Variants in ZKSCAN4 observed in about 807,000 individuals in gnomAD.
ZKSCAN4 encodes zinc finger with KRAB and SCAN domains 4.
ZKSCAN4 carries 23 observed loss-of-function variants against 30.8 expected under a neutral mutation model. That is an observed-to-expected ratio of 0.75 (90% CI 0.54 to 1.06). ZKSCAN4 has a LOEUF of 1.06. Ranked by LOEUF, ZKSCAN4 falls within the 50% of genes least tolerant of loss-of-function variation. The pLI, the probability that ZKSCAN4 is intolerant of heterozygous loss-of-function variation, is 0.00. For missense variants in ZKSCAN4, 556 were observed against 665.4 expected, an observed-to-expected ratio of 0.84 and a Z score of 1.81; for synonymous variants, 208 against 252.5, an observed-to-expected ratio of 0.82 and a Z score of 1.67.
chr6:28,251,872 C>T lies in ZKSCAN4; in HGVS notation c.109G>A (p.Ala37Thr). ...GGGCTGCAGGGTGCTCTCACCTCCGCCGTCAAGGCGGAGGCTTCCTCCTTC... is the reference window on the plus strand; with the variant it reads ...GGGCTGCAGGGTGCTCTCACCTCCGTCGTCAAGGCGGAGGCTTCCTCCTTC... ...VEKEEASALT[A>T]EVRAPCSPAR... Residue 37 changes from alanine (A) to threonine (T), a missense_variant, in exon 1 of 5, where the codon GCG (alanine) becomes ACG (threonine). Physicochemically the swap from Ala to Thr is moderately conservative, Grantham distance 58. Coordinates refer to ENST00000377294, the MANE Select transcript of ZKSCAN4 (RefSeq NM_019110.5). This position sits in a 1 kb window ranked among gnomAD's most constrained non-coding sequence, Gnocchi z 4.5. 3 of 1,560,490 alleles carry T rather than the reference C, an allele frequency of 1.9e-6. No homozygotes were observed. Among genetic ancestry groups the T allele is most frequent in the Non-Finnish European group, 2.6e-6 (3 of 1,158,076 alleles).
intron 4 of ZKSCAN4, among the ~76,000 whole-genome samples, 199 bp downstream of exon 4, chr6:28,246,770 T>C (rs1287143060): frequency 6.6e-6 from 1 of 152,054 alleles, no homozygotes. Flanking sequence ...ACCCCACTTA[T>C]CCTAACTAGA....
At position 28,245,968 on chromosome 6, in the gene ZKSCAN4, T is replaced by G. The variant is rs1276955331; in HGVS notation, c.786A>C (p.Glu262Asp). The G allele has an allele frequency of 3.1e-6, 5 of 1,614,170 alleles. No individual in the cohort carries two copies. Among genetic ancestry groups the G allele is most frequent in the Non-Finnish European group, 4.2e-6 (5 of 1,180,024 alleles). ...GCAAGTCCCTGCTCTTAGTCTGTAT[T>G]TCACCACCTGAAACAACAAATGGCC... ...NHSSLVSLGG[E>D]IQTKSRDLPP... Residue 262 changes from glutamate to aspartate, a missense_variant, in exon 5 of 5, where the codon GAA (glutamate) becomes GAC (aspartate). By Grantham distance (45) the Glu-to-Asp change is conservative (BLOSUM62 2). This residue lies in a region of ZKSCAN4 where 433 missense variants were observed against 511.5 expected (regional missense o/e 0.85). Transcript: ENST00000377294.
Position 28,251,390 on chromosome 6 carries a change from A to G in ZKSCAN4, c.423+168T>C, listed in dbSNP as rs549165927. On this transcript the variant is annotated intron_variant, in intron 1 of 4. Coordinates refer to ENST00000377294, the MANE Select transcript of ZKSCAN4 (RefSeq NM_019110.5). This position sits in a 1 kb window ranked among gnomAD's most constrained non-coding sequence, Gnocchi z 4.5. ...TTATAGTTTCTTTATATATTTAAAAATATAATTCTGAGAAGGAGTCCAGGG... is the reference window on the plus strand; with the variant it reads ...TTATAGTTTCTTTATATATTTAAAAGTATAATTCTGAGAAGGAGTCCAGGG... The G allele has an allele frequency of 7.8e-6, 8 of 1,020,374 alleles. No individual in the cohort carries two copies. The East Asian group carries it at 1.8e-4, about 23-fold the overall frequency. The allele number at this position is 1,020,374 out of a possible 1,614,324, so 63.2% of individuals were successfully genotyped here. A position where few individuals can be genotyped will look rare whatever the true frequency, so the allele number is the denominator to read the frequency against.
Position 28,251,376 on chromosome 6 carries a change from T to C in ZKSCAN4, c.423+182A>G. On this transcript the variant is annotated intron_variant, in intron 1 of 4. Transcript: ENST00000377294. The surrounding 1 kb of genome is among the most constrained non-coding windows in gnomAD (Gnocchi z 4.5). ...TCTTTTGTAATCCTTTATAGTTTCT[T>C]TATATATTTAAAAATATAATTCTGA... The C allele has an allele frequency of 1.1e-6, 1 of 895,988 alleles. No homozygotes were observed. The highest frequency in any genetic ancestry group is 1.7e-6 in the Non-Finnish European group (1 of 576,916). 55.5% of individuals were successfully genotyped at this position (895,988 alleles called of 1,614,324 possible).
upstream of ZKSCAN4, among the ~76,000 whole-genome samples, chr6:28,256,714 G>T (rs879345542): frequency 7.2e-5 from 11 of 152,138 alleles, no homozygotes; most frequent in Non-Finnish European, 1.6e-4. Context: ...CATTAAAAAG[G>T]TATGGTAGGC....
the ZKSCAN4 span, among the ~76,000 whole-genome samples, chr6:28,257,424 T>C: frequency 6.6e-6 from 1 of 152,062 alleles, no homozygotes; most frequent in Non-Finnish European, 1.5e-5. Flanking sequence ...GCAGGACAAA[T>C]AGCTAATGCA....
rs770870758 is a variant in ZKSCAN4 at position 28,249,828 on chromosome 6, C to A, written c.430G>T (p.Val144Phe). The change falls in exon 2 of 5, where the codon GTT (valine) becomes TTT (phenylalanine). Residue 144 changes from valine (V) to phenylalanine (F), a missense_variant. Physicochemically the swap from Val to Phe is conservative, Grantham distance 50. Coordinates refer to ENST00000377294, the MANE Select transcript of ZKSCAN4 (RefSeq NM_019110.5). This position sits in a 1 kb window ranked among gnomAD's most constrained non-coding sequence, Gnocchi z 4.1. ...AGCAGTTCTTGCCCCTGGTCACCAA[C>A]GGGAACCTAGAAGTCACGATTTTTA... is the stretch of plus-strand genomic sequence containing the variant. ...QLDEPAPQVPVGDQGQELLCC... is the reference protein window; with the variant it reads ...QLDEPAPQVPFGDQGQELLCC... 1.2e-6 allele frequency: 2 copies of A among 1,613,662 alleles called. No homozygotes were observed. Among genetic ancestry groups the A allele is most frequent in the Non-Finnish European group, 1.7e-6 (2 of 1,179,912 alleles).
Position 28,245,446 on chromosome 6 carries a change from C to T in ZKSCAN4, c.1308G>A (p.Met436Ile), listed in dbSNP as rs745789855. 9.2e-5 allele frequency: 149 copies of T among 1,614,134 alleles called. No individual in the cohort carries two copies. Among genetic ancestry groups the T allele is most frequent in the Middle Eastern group, 4.9e-4 (3 of 6,084 alleles). The change falls in exon 5 of 5, where the codon ATG (methionine) becomes ATA (isoleucine). Residue 436 changes from methionine to isoleucine, a missense_variant. Met to Ile is a conservative substitution (Grantham distance 10). Coordinates refer to ENST00000377294, the MANE Select transcript of ZKSCAN4 (RefSeq NM_019110.5). The part of the protein sequence containing the change: ...HTGEKPYQCN[M>I]CGKAFRRNSH... ...AATTCCGCCTAAAGGCTTTGCCACA[C>T]ATATTGCACTGGTATGGCTTCTCCC...
chr6:28,246,595 A>C lies in ZKSCAN4; in HGVS notation c.778+374T>G, dbSNP rs551344615. On this transcript the variant is annotated intron_variant, in intron 4 of 4. Coordinates refer to ENST00000377294, the MANE Select transcript of ZKSCAN4 (RefSeq NM_019110.5). ...AGGTCAGGGTCTGTAGTTGATGTCTAAGGTTGCTTCTGGCTCTCACGTTCT... is the reference window on the plus strand; with the variant it reads ...AGGTCAGGGTCTGTAGTTGATGTCTCAGGTTGCTTCTGGCTCTCACGTTCT... 2.0e-5 allele frequency among the ~76,000 whole-genome samples: 3 copies of C among 152,200 alleles called. No individual in the cohort carries two copies. In the South Asian group the frequency reaches 6.2e-4, roughly 32 times the overall value.
chr6:28,246,832 A>T, intron 4 of ZKSCAN4, 137 bp downstream of exon 4: 1 of 1,016,958 alleles, frequency 9.8e-7, no homozygotes, highest in East Asian at 2.6e-5. Flanking sequence ...AGGAGCTAGT[A>T]GTCAGTAACA....
rs1760588003 is a variant in ZKSCAN4, at chr6:28,243,679, T to TA, written c.*1436_*1437insT. ...ATTTTCTTTTCTTTTTTTTTTTTCT[T>TA]TTTGAGACAGAGTCTCACTCTGAAA... On this transcript the variant is annotated 3_prime_UTR_variant, in exon 5 of 5. Transcript: ENST00000377294. Among the ~76,000 whole-genome samples, 2 of 150,960 alleles carry TA rather than the reference T, an allele frequency of 1.3e-5. No individual in the cohort carries two copies. The highest frequency in any genetic ancestry group is 6.6e-5 in the Admixed American group (1 of 15,188).
Position 28,245,602 on chromosome 6 carries a change from G to A in ZKSCAN4, c.1152C>T (p.Val384=), listed in dbSNP as rs774680877. 11 of 1,614,108 alleles carry A rather than the reference G, an allele frequency of 6.8e-6. No individual in the cohort carries two copies. In the South Asian group the frequency reaches 1.2e-4, roughly 18 times the overall value. The change falls in exon 5 of 5, where the codon GTC becomes GTT. Residue 384 remains valine (V), a synonymous_variant. Transcript: ENST00000377294. ...KPYECEECGK[V]FSHSSNLIKH... is the part of the protein sequence containing the mutation. ...TGATAAGGTTTGAGCTGTGACTGAA[G>A]ACCTTACCACATTCTTCACACTCAT... is the stretch of plus-strand genomic sequence containing the variant.
In ZKSCAN4 at chr6:28,242,553, A is replaced by G. The variant is rs964175394; in HGVS notation, c.*2563T>C. On this transcript the variant is annotated 3_prime_UTR_variant, in exon 5 of 5. Transcript: ENST00000377294. ...TTTGCTTTATTTACTCAATTGGACA[A>G]AGTTGTTGTGAGTCCATTCAGCTTT... Among the ~76,000 whole-genome samples, 1 of 152,194 alleles carries G rather than the reference A, an allele frequency of 6.6e-6. No individual in the cohort carries two copies. Among genetic ancestry groups the G allele is most frequent in the Admixed American group, 6.5e-5 (1 of 15,284 alleles).
intron 1 of ZKSCAN4, among the ~76,000 whole-genome samples, chr6:28,250,380 G>C (rs1444462810): frequency 6.6e-6 from 1 of 152,136 alleles, no homozygotes. Context: ...AGGGTGGACA[G>C]TGTTTAAGCA....
At chr6:28,259,211 G>A in the ZKSCAN4 span, 1 of 613,152 alleles carries the variant, frequency 1.6e-6, no homozygotes, top group Non-Finnish European at 2.8e-6. Flanking sequence ...ACGCAGCCAA[G>A]GCCCGCCCCA....
chr6:28,251,475 T>G lies in ZKSCAN4; in HGVS notation c.423+83A>C. The G allele has an allele frequency of 6.2e-7, 1 of 1,608,962 alleles. No homozygotes were observed. The highest frequency in any genetic ancestry group is 8.5e-7 in the Non-Finnish European group (1 of 1,177,282). On this transcript the variant is annotated intron_variant, in intron 1 of 4. Coordinates refer to ENST00000377294, the MANE Select transcript of ZKSCAN4 (RefSeq NM_019110.5). The surrounding 1 kb of genome is among the most constrained non-coding windows in gnomAD (Gnocchi z 4.5). Reference sequence around the variant, plus strand: ...AAAAGAGATGAAGAACTCCTGGACCTTAAAGGAATGCCCCTCGCTCCGATC... The same window carrying G: ...AAAAGAGATGAAGAACTCCTGGACCGTAAAGGAATGCCCCTCGCTCCGATC...
rs1227631081 is a variant in ZKSCAN4 at position 28,244,037 on chromosome 6, CCTGTCCCCAA to C, written c.*1069_*1078del. Among the ~76,000 whole-genome samples, 1 of 152,106 alleles carries C rather than the reference CCTGTCCCCAA, an allele frequency of 6.6e-6. No homozygotes were observed. Among genetic ancestry groups the C allele is most frequent in the African/African-American group, 2.4e-5 (1 of 41,412 alleles). Reference sequence around the variant, plus strand: ...CATAGGCTGCCTCTAACCTGATCTTCCTGTCCCCAACTGACAGGGCAGTTTTGAAACCATG... The same window carrying C: ...CATAGGCTGCCTCTAACCTGATCTTCCTGACAGGGCAGTTTTGAAACCATG... On this transcript the variant is annotated 3_prime_UTR_variant, in exon 5 of 5. Coordinates refer to ENST00000377294, the MANE Select transcript of ZKSCAN4 (RefSeq NM_019110.5).
upstream of ZKSCAN4, chr6:28,252,356 A>G (rs1425633448): frequency 1.2e-5 from 2 of 169,910 alleles, no homozygotes; most frequent in African/African-American, 4.8e-5. Context: ...GAATTAACCC[A>G]TTAGCTACCC....
In ZKSCAN4 at chr6:28,245,129, G is replaced by GT. The variant is rs757603403; in HGVS notation, c.1624dup (p.Thr542AsnfsTer21). Reference sequence around the variant, plus strand: ...GAATACCATGGGTCACTGTGAAAGAGTTTTTTTCCCTACATGGCTTCTCTG... The same window carrying GT: ...GAATACCATGGGTCACTGTGAAAGAGTTTTTTTTCCCTACATGGCTTCTCTG... On this transcript the variant is annotated frameshift_variant, in exon 5 of 5. Coordinates refer to ENST00000377294, the MANE Select transcript of ZKSCAN4 (RefSeq NM_019110.5). LOFTEE classifies it high-confidence loss of function. 2.5e-6 allele frequency: 4 copies of GT among 1,613,800 alleles called. No homozygotes were observed. The highest frequency in any genetic ancestry group is 2.7e-5 in the African/African-American group (2 of 74,890).
Sources: gnomAD v4.1 joint callset for allele counts (sites outside exome capture counted in the v4.1 genomes callset) on GRCh38, gnomAD v4.1.1 for gene constraint, gnomAD v4.1.1 regional missense constraint, Gnocchi (gnomAD v3.1) non-coding constraint, MANE v1.5 for transcripts, NCBI Gene and HGNC (gene_info 2026-07-23, HGNC 2026-07-21) for gene names.